Variants in TSC22D1 observed in about 807,000 individuals in gnomAD.
The protein encoded by TSC22D1 is TSC22 domain family member 1.
A neutral mutation model predicts 74.2 loss-of-function variants in TSC22D1; 9 were observed. The observed-to-expected ratio is 0.12, with a 90% CI of 0.07 to 0.21. The LOEUF is 0.21. Among genes scored for constraint, TSC22D1 ranks in the 10% least tolerant of loss-of-function variants. TSC22D1 has a pLI of 1.00. For missense variants in TSC22D1, 1,427 were observed against 1,304.7 expected, an observed-to-expected ratio of 1.09 and a Z score of -1.44; for synonymous variants, 586 against 492.5, an observed-to-expected ratio of 1.19 and a Z score of -2.51.
intron 1 of TSC22D1, among the ~76,000 whole-genome samples, chr13:44,517,862 T>A (rs1323918535): frequency 2.6e-4 from 23 of 87,090 alleles, no homozygotes; most frequent in South Asian, 8.4e-4. Context: ...TATATATTTT[T>A]TTTTTTTTTT....
At chr13:44,499,282 G>C (rs1273952525) in intron 1 of TSC22D1, among the ~76,000 whole-genome samples, 1 of 152,116 alleles carries the variant, frequency 6.6e-6, no homozygotes, top group Non-Finnish European at 1.5e-5. Context: ...CCTTTTGTTT[G>C]TGCTGACACA....
chr13:44,500,119 AAAAG>A (rs1449817650), intron 1 of TSC22D1, among the ~76,000 whole-genome samples: 1 of 151,706 alleles, frequency 6.6e-6, no homozygotes. Flanking sequence ...AAAGAAAAGA[AAAAG>A]AAAAAAGCTC....
At chr13:44,516,249 T>TG (rs1303961725) in intron 1 of TSC22D1, 1 of 382,026 alleles carries the variant, frequency 2.6e-6, no homozygotes, top group African/African-American at 2.2e-5. Context: ...CTTGAGACTT[T>TG]GGGGGCACTA....
chr13:44,542,487 C>A (rs1171162084), intron 1 of TSC22D1, among the ~76,000 whole-genome samples: 1 of 152,014 alleles, frequency 6.6e-6, no homozygotes, highest in Non-Finnish European at 1.5e-5. Flanking sequence ...ATTTAAAAAA[C>A]CAAATGTCCG....
At chr13:44,529,773 T>A (rs1295994249) in intron 1 of TSC22D1, among the ~76,000 whole-genome samples, 1 of 152,104 alleles carries the variant, frequency 6.6e-6, no homozygotes, top group Non-Finnish European at 1.5e-5. Context: ...TGCTTTCCCA[T>A]ACACCAGCAA....
rs1874182100 is a variant in TSC22D1, at chr13:44,433,053, G to A, written c.*1573C>T. ...GCTAGAAACTCATCCTACACTAGGA[G>A]AAACATCCCAACCCAGGGTGACAGG... On this transcript the variant is annotated 3_prime_UTR_variant, in exon 3 of 3. Coordinates refer to ENST00000458659, the MANE Select transcript of TSC22D1 (RefSeq NM_183422.4). 1 of 152,168 alleles carries A rather than the reference G, an allele frequency of 6.6e-6. No homozygotes were observed. Among genetic ancestry groups the A allele is most frequent in the Non-Finnish European group, 1.5e-5 (1 of 68,038 alleles). The allele number at this position is 152,168 out of a possible 1,614,324, so 9.4% of individuals were successfully genotyped here.
chr13:44,450,965 C>T (rs889469023), intron 1 of TSC22D1, among the ~76,000 whole-genome samples: 39 of 152,272 alleles, frequency 2.6e-4, no homozygotes, highest in African/African-American at 8.9e-4. Flanking sequence ...ATCTAGTGGA[C>T]ACTACAGAAG....
chr13:44,570,356 A>AT (rs1883677961), intron 1 of TSC22D1, among the ~76,000 whole-genome samples: 2 of 151,668 alleles, frequency 1.3e-5, no homozygotes, highest in Non-Finnish European at 2.9e-5. Context: ...ATGCCTGGCT[A>AT]ATTTTTGTAT....
At chr13:44,454,513 G>A (rs753571162) in intron 1 of TSC22D1, among the ~76,000 whole-genome samples, 9 of 151,906 alleles carry the variant, frequency 5.9e-5, no homozygotes, top group Non-Finnish European at 1.2e-4. Context: ...CCACACCAGG[G>A]GCAATTCTTC....
At chr13:44,442,388 G>A (rs1229108458) in intron 1 of TSC22D1, among the ~76,000 whole-genome samples, 1 of 152,134 alleles carries the variant, frequency 6.6e-6, no homozygotes, top group Non-Finnish European at 1.5e-5. Context: ...ATTAAAAACA[G>A]TTATAACTAT....
intron 1 of TSC22D1, among the ~76,000 whole-genome samples, chr13:44,511,927 C>A (rs1263603163): frequency 6.6e-6 from 1 of 152,128 alleles, no homozygotes; most frequent in African/African-American, 2.4e-5. Flanking sequence ...GATCTTCCAT[C>A]CCCTTTAAAT....
At chr13:44,490,220 C>T (rs184007851) in intron 1 of TSC22D1, among the ~76,000 whole-genome samples, 27 of 152,010 alleles carry the variant, frequency 1.8e-4, no homozygotes, top group Non-Finnish European at 3.5e-4. Flanking sequence ...AGATAAGAAA[C>T]AAAAGAATAT....
intron 1 of TSC22D1, among the ~76,000 whole-genome samples, chr13:44,506,709 A>C (rs2137996991): frequency 6.6e-6 from 1 of 152,342 alleles, no homozygotes; most frequent in South Asian, 2.1e-4. Context: ...CTACCACTAA[A>C]GATTTCTGAG....
chr13:44,533,359 G>A (rs146073726), intron 1 of TSC22D1, among the ~76,000 whole-genome samples: 262 of 151,854 alleles, frequency 1.7e-3, no homozygotes, highest in Non-Finnish European at 2.9e-3. Context: ...CTACTCACGA[G>A]GCTGAGGCGA....
At chr13:44,438,071 A>G (rs1171922020) in intron 1 of TSC22D1, among the ~76,000 whole-genome samples, 1 of 152,236 alleles carries the variant, frequency 6.6e-6, no homozygotes, top group Non-Finnish European at 1.5e-5. Flanking sequence ...CTACAATTTA[A>G]TATACTAGAA....
At position 44,575,403 on chromosome 13, in the gene TSC22D1, ATGG is replaced by A; in HGVS notation, c.669_671del (p.His224del). 2 of 1,613,804 alleles carry A rather than the reference ATGG, an allele frequency of 1.2e-6. No homozygotes were observed. The highest frequency in any genetic ancestry group is 1.7e-6 in the Non-Finnish European group (2 of 1,179,856). ...GGAGGTGGTGCCCATGATGAATCTG[ATGG>A]TGGTGATGGAGGTGGTGTGGATGAG... On this transcript the variant is annotated inframe_deletion, in exon 1 of 3. Coordinates refer to ENST00000458659, the MANE Select transcript of TSC22D1 (RefSeq NM_183422.4).
At chr13:44,492,389 G>A (rs768714178) in intron 1 of TSC22D1, among the ~76,000 whole-genome samples, 16 of 152,074 alleles carry the variant, frequency 1.1e-4, no homozygotes, top group Non-Finnish European at 2.1e-4. Flanking sequence ...AATGTGTATC[G>A]CTTTTGCACC....
Position 44,532,235 on chromosome 13 carries a change from G to A in TSC22D1, c.2912+40928C>T, listed in dbSNP as rs1211755498. Reference sequence around the variant, plus strand: ...AATACTTTGCAGATACGGACTACTAGCCTAATTTTTAGAAACAAAATACTT... The same window carrying A: ...AATACTTTGCAGATACGGACTACTAACCTAATTTTTAGAAACAAAATACTT... On this transcript the variant is annotated intron_variant, in intron 1 of 2. Coordinates refer to ENST00000458659, the MANE Select transcript of TSC22D1 (RefSeq NM_183422.4). 2.0e-5 allele frequency among the ~76,000 whole-genome samples: 3 copies of A among 152,194 alleles called. No homozygotes were observed. In the East Asian group the frequency reaches 5.8e-4, roughly 29 times the overall value.
chr13:44,554,452 G>C (rs1326825093), intron 1 of TSC22D1, among the ~76,000 whole-genome samples: 1 of 152,016 alleles, frequency 6.6e-6, no homozygotes, highest in African/African-American at 2.4e-5. Flanking sequence ...TAATTGAGAA[G>C]ATAAATCAAG....
Sources: gnomAD v4.1 joint callset for allele counts (sites outside exome capture counted in the v4.1 genomes callset) on GRCh38, gnomAD v4.1.1 for gene constraint, MANE v1.5 for transcripts, NCBI Gene and HGNC (gene_info 2026-07-23, HGNC 2026-07-21) for gene names.